Variants in NECAB1 observed in about 807,000 individuals in gnomAD.
NECAB1 encodes N-terminal EF-hand calcium-binding protein 1.
A neutral mutation model predicts 57.5 loss-of-function variants in NECAB1; 29 were observed. The observed-to-expected ratio is 0.50, with a 90% CI of 0.38 to 0.69. The LOEUF is 0.69. Among genes scored for constraint, NECAB1 ranks in the 30% least tolerant of loss-of-function variants. The pLI, the probability that NECAB1 is intolerant of heterozygous loss-of-function variation, is 0.00. For missense variants in NECAB1, 372 were observed against 413.8 expected, an observed-to-expected ratio of 0.90 and a Z score of 0.88; for synonymous variants, 142 against 147.7, an observed-to-expected ratio of 0.96 and a Z score of 0.28.
At chr8:90,948,615 A>G (rs1186176388) in intron 10 of NECAB1, among the ~76,000 whole-genome samples, 1 of 152,196 alleles carries the variant, frequency 6.6e-6, no homozygotes, top group East Asian at 1.9e-4. Context: ...GCTTTCTAAT[A>G]TGAATATATT....
chr8:90,923,441 G>T (rs1256560286), intron 6 of NECAB1, among the ~76,000 whole-genome samples: 1 of 152,180 alleles, frequency 6.6e-6, no homozygotes, highest in East Asian at 1.9e-4. Flanking sequence ...CCAGAGAAAA[G>T]ACTTAACAAT....
chr8:90,909,598 T>A (rs556556037), intron 5 of NECAB1, among the ~76,000 whole-genome samples: 2 of 152,134 alleles, frequency 1.3e-5, no homozygotes, highest in Non-Finnish European at 2.9e-5. Flanking sequence ...ATTTTAAATA[T>A]CTTAAAATAT....
intron 2 of NECAB1, among the ~76,000 whole-genome samples, chr8:90,809,347 C>T (rs1811913085): frequency 6.6e-6 from 1 of 152,210 alleles, no homozygotes. Context: ...AAAACATCTT[C>T]AAAACCTAGT....
intron 3 of NECAB1, among the ~76,000 whole-genome samples, chr8:90,836,282 T>C (rs1812369938): frequency 6.6e-6 from 1 of 152,196 alleles, no homozygotes. Context: ...CCGAATATTA[T>C]ATTTTCTGAT....
At chr8:90,907,191 TTAG>T (rs1369640121) in intron 5 of NECAB1, among the ~76,000 whole-genome samples, 2 of 95,208 alleles carry the variant, frequency 2.1e-5, no homozygotes, top group Non-Finnish European at 4.1e-5. Context: ...AGAGAGAGAA[TTAG>T]TAGACTGCAT....
intron 6 of NECAB1, among the ~76,000 whole-genome samples, chr8:90,921,228 G>A (rs894608620): frequency 5.9e-5 from 9 of 152,108 alleles, no homozygotes; most frequent in African/African-American, 1.9e-4. Flanking sequence ...TATTAGCCAG[G>A]CTGGACGCGA....
rs111267770 is a variant in NECAB1 at position 90,885,368 on chromosome 8, T to C, written c.357+4238T>C. Among the ~76,000 whole-genome samples the C allele has an allele frequency of 9.1e-3, 1,393 of 152,294 alleles. 20 individuals carry two copies. The highest frequency in any genetic ancestry group is 0.031 in the African/African-American group (1,305 of 41,558). ...CCATTGCTGCAGCCCCACCAGACTC[T>C]TGGTGACTGATCTGACTTCTCCAAG... On this transcript the variant is annotated intron_variant, in intron 5 of 12. Coordinates refer to ENST00000417640, the MANE Select transcript of NECAB1 (RefSeq NM_022351.5).
intron 3 of NECAB1, among the ~76,000 whole-genome samples, chr8:90,826,083 T>C (rs1812219430): frequency 1.3e-5 from 2 of 151,812 alleles, no homozygotes; most frequent in South Asian, 4.1e-4. Context: ...TCTGAGTCAT[T>C]ATGAGAGATT....
intron 2 of NECAB1, among the ~76,000 whole-genome samples, chr8:90,808,812 A>G (rs1004177952): frequency 6.6e-6 from 1 of 151,448 alleles, no homozygotes; most frequent in Non-Finnish European, 1.5e-5. Context: ...TGCCCGGCTA[A>G]TTTTTTGTAT....
At chr8:90,822,973 AAGG>A (rs1156559578) in intron 2 of NECAB1, among the ~76,000 whole-genome samples, 3 of 151,740 alleles carry the variant, frequency 2.0e-5, no homozygotes, top group Admixed American at 6.6e-5. Context: ...TCATCAAAGC[AAGG>A]AGATACACAG....
chr8:90,869,360 A>G (rs1318099707), intron 3 of NECAB1, among the ~76,000 whole-genome samples: 1 of 152,222 alleles, frequency 6.6e-6, no homozygotes, highest in African/African-American at 2.4e-5. Context: ...ATCATCGTCC[A>G]GACCCCAGAA....
chr8:90,925,594 G>A lies in NECAB1; in HGVS notation c.554G>A (p.Arg185His), dbSNP rs763008252. 11 of 1,613,480 alleles carry A rather than the reference G, an allele frequency of 6.8e-6. No homozygotes were observed. Among genetic ancestry groups the A allele is most frequent in the South Asian group, 2.2e-5 (2 of 90,960 alleles). ...SIQWPGKRSS[R>H]RVQRHNSFSP... is the part of the protein sequence containing the mutation. ...CAATGGCCTGGAAAACGATCAAGCC[G>A]CCGAGTCCAGAGACACAACAGCTTC... Residue 185 changes from arginine to histidine, a missense_variant, in exon 7 of 13, where the codon CGC (arginine) becomes CAC (histidine). Physicochemically the swap from Arg to His is conservative, Grantham distance 29. Coordinates refer to ENST00000417640, the MANE Select transcript of NECAB1 (RefSeq NM_022351.5).
At chr8:90,817,037 T>C (rs1812070937) in intron 2 of NECAB1, among the ~76,000 whole-genome samples, 1 of 121,980 alleles carries the variant, frequency 8.2e-6, no homozygotes, top group Admixed American at 8.3e-5. Flanking sequence ...ACAATTTTGT[T>C]GGATCTACAC....
chr8:90,906,816 T>A (rs1809662254), intron 5 of NECAB1, among the ~76,000 whole-genome samples: 2 of 145,480 alleles, frequency 1.4e-5, no homozygotes, highest in South Asian at 4.3e-4. Context: ...GAAACCTTTT[T>A]CAGAAAGGAG....
chr8:90,902,201 C>G (rs562733375), intron 5 of NECAB1, among the ~76,000 whole-genome samples: 20 of 152,290 alleles, frequency 1.3e-4, no homozygotes, highest in Middle Eastern at 3.4e-3. Context: ...GGGTGGATCA[C>G]TTGAGGTCAG....
chr8:90,893,407 A>G (rs1809236894), intron 5 of NECAB1, among the ~76,000 whole-genome samples: 1 of 152,160 alleles, frequency 6.6e-6, no homozygotes, highest in African/African-American at 2.4e-5. Flanking sequence ...ATTTTTAAAA[A>G]TATATATCGG....
At chr8:90,940,611 C>A in intron 9 of NECAB1, 175 bp from the exon 10 acceptor site, 1 of 540,962 alleles carries the variant, frequency 1.8e-6, no homozygotes, top group South Asian at 2.7e-5. Context: ...AAATATCTTG[C>A]CTAGATTACA....
intron 3 of NECAB1, among the ~76,000 whole-genome samples, chr8:90,847,274 A>G (rs1455035611): frequency 6.6e-6 from 1 of 152,266 alleles, no homozygotes; most frequent in African/African-American, 2.4e-5. Flanking sequence ...TTAAAGTTCC[A>G]AACTGATCTC....
rs1811079718 is a variant in NECAB1 at position 90,958,838 on chromosome 8, T to C, written c.*3326T>C. The stretch of plus-strand genomic sequence containing the variant: ...AACCTCCTGCAAAGCTGAAACTGAT[T>C]AGAAAATTCTTTATATTTTAAAATA... On this transcript the variant is annotated 3_prime_UTR_variant, in exon 13 of 13. Coordinates refer to ENST00000417640, the MANE Select transcript of NECAB1 (RefSeq NM_022351.5). The C allele has an allele frequency of 4.2e-6, 2 of 474,030 alleles. No individual in the cohort carries two copies. The highest frequency in any genetic ancestry group is 3.6e-6 in the Non-Finnish European group (1 of 281,524). 29.4% of individuals were successfully genotyped at this position (474,030 alleles called of 1,614,324 possible). A position where few individuals can be genotyped will look rare whatever the true frequency, so the allele number is the denominator to read the frequency against.
Sources: allele counts gnomAD v4.1 joint callset (sites outside exome capture counted in the v4.1 genomes callset), GRCh38; gene constraint gnomAD v4.1.1; transcripts MANE v1.5; gene names NCBI Gene and HGNC (gene_info 2026-07-23, HGNC 2026-07-21).